The following SBNO2 variants were observed in gnomAD, a reference collection of about 807,000 sequenced individuals.
The protein encoded by SBNO2 is protein strawberry notch homolog 2.
In SBNO2, 89 loss-of-function variants were observed where a neutral mutation model predicts 146.3. The observed-to-expected ratio is 0.61, with a 90% CI of 0.51 to 0.73. The LOEUF (loss-of-function observed/expected upper bound fraction) is 0.73, where lower values mean the gene tolerates loss of function less well. SBNO2 is among the 30% of genes least tolerant of loss of function. SBNO2 has a pLI of 0.00. For missense variants in SBNO2, 2,092 were observed against 2,003.7 expected, an observed-to-expected ratio of 1.04 and a Z score of -0.84; for synonymous variants, 1,147 against 892.6, an observed-to-expected ratio of 1.29 and a Z score of -5.08.
chr19:1,150,749 C>T lies in SBNO2; in HGVS notation c.94-1307G>A, dbSNP rs979494251. On this transcript the variant is annotated intron_variant, in intron 2 of 31. Coordinates refer to ENST00000361757, the MANE Select transcript of SBNO2 (RefSeq NM_014963.3). The surrounding 1 kb of genome is among the most constrained non-coding windows in gnomAD (Gnocchi z 6.2). The stretch of plus-strand genomic sequence containing the variant: ...GGCCCTGATGCAATTCCCTGGGGCT[C>T]GGCCACCTCTGCCCCTCATTCACCT... Among the ~76,000 whole-genome samples the T allele has an allele frequency of 6.6e-6, 1 of 152,032 alleles. No individual in the cohort carries two copies. Among genetic ancestry groups the T allele is most frequent in the Non-Finnish European group, 1.5e-5 (1 of 67,998 alleles).
chr19:1,163,101 G>A (rs376966260), intron 1 of SBNO2, among the ~76,000 whole-genome samples: 6 of 152,210 alleles, frequency 3.9e-5, no homozygotes, highest in African/African-American at 9.6e-5. Context: ...AGAGGGCACC[G>A]GGGTGACTAC....
rs796161842 is a variant in SBNO2, at chr19:1,144,320, G to T, written c.279+2989C>A. Among the ~76,000 whole-genome samples, 2 of 152,182 alleles carry T rather than the reference G, an allele frequency of 1.3e-5. No homozygotes were observed. Among genetic ancestry groups the T allele is most frequent in the African/African-American group, 4.8e-5 (2 of 41,454 alleles). ...CGGGGTCAGACTTCCTCCAAATGAA[G>T]TTCTGCTGCTTTAACAGGGAGATTT... On this transcript the variant is annotated intron_variant, in intron 4 of 31. Coordinates refer to ENST00000361757, the MANE Select transcript of SBNO2 (RefSeq NM_014963.3). This position sits in a 1 kb window ranked among gnomAD's most constrained non-coding sequence, Gnocchi z 4.1.
chr19:1,149,401 C>T lies in SBNO2; in HGVS notation c.135G>A (p.Leu45=), dbSNP rs779899293. 1.9e-5 allele frequency: 29 copies of T among 1,552,258 alleles called. No individual in the cohort carries two copies. Among genetic ancestry groups the T allele is most frequent in the African/African-American group, 2.7e-5 (2 of 73,158 alleles). Residue 45 remains leucine (L), a synonymous_variant, in exon 3 of 32, where the codon CTG becomes CTA. Coordinates refer to ENST00000361757, the MANE Select transcript of SBNO2 (RefSeq NM_014963.3). ...CGCTGGAGAAGGCAGGGTATGGCGG[C>T]AGCGAGAAGGTGTTCCAGTAGGGGC... ...LHCPYWNTFS[L]PPYPAFSSDS...
At position 1,158,631 on chromosome 19, in the gene SBNO2, G is replaced by C. The variant is rs2080314619; in HGVS notation, c.-126-4229C>G. Among the ~76,000 whole-genome samples the C allele has an allele frequency of 6.6e-6, 1 of 152,186 alleles. No homozygotes were observed. Among genetic ancestry groups the C allele is most frequent in the South Asian group, 2.1e-4 (1 of 4,838 alleles). On this transcript the variant is annotated intron_variant, in intron 1 of 31. Coordinates refer to ENST00000361757, the MANE Select transcript of SBNO2 (RefSeq NM_014963.3). This position sits in a 1 kb window ranked among gnomAD's most constrained non-coding sequence, Gnocchi z 9.9. ...TGGAGGTCTGAGGAGGAGGCGGCGA[G>C]GCCCGGGCGAGCGGGCGCGACCGTG... is the stretch of plus-strand genomic sequence containing the variant.
chr19:1,147,431 A>ACGGGGGGGGGGGGGGG lies in SBNO2; in HGVS notation c.168-12_168-11insCCCCCCCCCCCCCCCG, dbSNP rs778909029. 2 of 544,754 alleles carry ACGGGGGGGGGGGGGGG rather than the reference A, an allele frequency of 3.7e-6. No individual in the cohort carries two copies. The highest frequency in any genetic ancestry group is 5.6e-5 in the African/African-American group (2 of 35,574). 33.7% of individuals were successfully genotyped at this position (544,754 alleles called of 1,614,324 possible). Reference sequence around the variant, plus strand: ...GAGCTCATGAACGGGCTGGAGGGAGATGGGGGGGGGGGAGGTGAGATGGGG... The same window carrying ACGGGGGGGGGGGGGGG: ...GAGCTCATGAACGGGCTGGAGGGAGACGGGGGGGGGGGGGGGTGGGGGGGGGGGAGGTGAGATGGGG... On this transcript the variant is annotated splice_polypyrimidine_tract_variant and intron_variant, in intron 3 of 31. Transcript: ENST00000361757.
intron 4 of SBNO2, among the ~76,000 whole-genome samples, chr19:1,143,394 C>T (rs888260095): frequency 6.6e-6 from 1 of 152,162 alleles, no homozygotes; most frequent in African/African-American, 2.4e-5. Flanking sequence ...GGAGCTTGAG[C>T]CCAGGAGGTG....
rs1447130158 is a variant in SBNO2 at position 1,114,299 on chromosome 19, G to T, written c.2009C>A (p.Ser670Tyr). The change falls in exon 18 of 32, where the codon TCC becomes TAC. Residue 670 changes from serine (S) to tyrosine (Y), a missense_variant. Transcript: ENST00000361757. ...DPGLDSDFNS[S>Y]PESLVDDDVV... The stretch of plus-strand genomic sequence containing the variant: ...GTCGTCATCCACCAGGGACTCGGGG[G>T]AGGAGTTGAAGTCGCTGTCCAGGCC... The T allele has an allele frequency of 6.4e-7, 1 of 1,554,792 alleles. No individual in the cohort carries two copies. The highest frequency in any genetic ancestry group is 1.9e-5 in the Admixed American group (1 of 51,968).
chr19:1,152,215 C>T (rs1044207341), intron 2 of SBNO2, among the ~76,000 whole-genome samples: 6 of 152,196 alleles, frequency 3.9e-5, no homozygotes, highest in Admixed American at 6.6e-5. Context: ...TCGCATTCCC[C>T]GACTGTCACT....
In SBNO2 at chr19:1,117,414, G is replaced by C; in HGVS notation, c.1613C>G (p.Ser538Trp). Residue 538 changes from serine to tryptophan, a missense_variant, in exon 15 of 32, where the codon TCG (serine) becomes TGG (tryptophan). Coordinates refer to ENST00000361757, the MANE Select transcript of SBNO2 (RefSeq NM_014963.3). ...SRKSLWGQFW[S>W]AHQRFFKYLC... is the part of the protein sequence containing the mutation. ...ATACTTGAAGAAGCGCTGGTGTGCC[G>C]ACCAGAACTGGCCCCACAGGGACTT... is the stretch of plus-strand genomic sequence containing the variant. 1.3e-6 allele frequency: 2 copies of C among 1,590,136 alleles called. No homozygotes were observed. The highest frequency in any genetic ancestry group is 1.7e-6 in the Non-Finnish European group (2 of 1,169,786).
At chr19:1,139,170 C>T (rs2080112525) in intron 4 of SBNO2, among the ~76,000 whole-genome samples, 1 of 152,244 alleles carries the variant, frequency 6.6e-6, no homozygotes, top group Non-Finnish European at 1.5e-5. Context: ...AATCAGGAGC[C>T]AGGCTCTGAC....
rs370834213 is a variant in SBNO2, at chr19:1,119,122, G to A, written c.1416C>T (p.Val472=). 94 of 1,604,416 alleles carry A rather than the reference G, an allele frequency of 5.9e-5. No homozygotes were observed. Among genetic ancestry groups the A allele is most frequent in the Middle Eastern group, 1.6e-4 (1 of 6,080 alleles). ...GCTGGCGTGCGATGTACATGCCGCT[G>A]ACCTTCATGTCCATGGCCACGATCT... The part of the protein sequence containing the change: ...AMEIVAMDMK[V]SGMYIARQLS... The change falls in exon 14 of 32, where the codon GTC becomes GTT. Residue 472 remains valine (V), a synonymous_variant. Transcript: ENST00000361757.
intron 14 of SBNO2, among the ~76,000 whole-genome samples, chr19:1,118,597 C>T (rs568573095): frequency 2.0e-5 from 3 of 151,384 alleles, no homozygotes; most frequent in Admixed American, 1.3e-4. Flanking sequence ...TGGCCGGGCA[C>T]GTGGCTCACG....
chr19:1,127,642 T>C lies in SBNO2; in HGVS notation c.403A>G (p.Ile135Val), dbSNP rs754443386. The C allele has an allele frequency of 3.1e-6, 5 of 1,613,270 alleles. No homozygotes were observed. The highest frequency in any genetic ancestry group is 1.3e-5 in the African/African-American group (1 of 74,906). ...GAGGGGGCAGGGTTATCGTCCCAGA[T>C]GGTGGACACCTGGTTGAGGCTGTCA... ...PADSLNQVST[I>V]WDDNPAPSTH... The change falls in exon 5 of 32, where the codon ATC becomes GTC. Residue 135 changes from isoleucine (I) to valine (V), a missense_variant. Coordinates refer to ENST00000361757, the MANE Select transcript of SBNO2 (RefSeq NM_014963.3).
rs1051983966 is a variant in SBNO2 at position 1,158,690 on chromosome 19, C to G, written c.-126-4288G>C. On this transcript the variant is annotated intron_variant, in intron 1 of 31. Transcript: ENST00000361757. The surrounding 1 kb of genome is among the most constrained non-coding windows in gnomAD (Gnocchi z 9.9). Reference sequence around the variant, plus strand: ...GCCCGGCAGAGGCCACCGCACAGTCCCTGGAGGCCGCATTACCTCAGCCGA... The same window carrying G: ...GCCCGGCAGAGGCCACCGCACAGTCGCTGGAGGCCGCATTACCTCAGCCGA... Among the ~76,000 whole-genome samples, 2 of 152,176 alleles carry G rather than the reference C, an allele frequency of 1.3e-5. No homozygotes were observed. The highest frequency in any genetic ancestry group is 2.9e-5 in the Non-Finnish European group (2 of 68,008).
chr19:1,109,632 G>A lies in SBNO2; in HGVS notation c.3124-34C>T. ...GCACGGGGTGGGGGGGTGTGAGTGT[G>A]GTGGGGGCGGGGTGGGCAGAGTGTG... On this transcript the variant is annotated intron_variant, in intron 27 of 31. Coordinates refer to ENST00000361757, the MANE Select transcript of SBNO2 (RefSeq NM_014963.3). This position sits in a 1 kb window ranked among gnomAD's most constrained non-coding sequence, Gnocchi z 4.2. 6.4e-7 allele frequency: 1 copy of A among 1,566,346 alleles called. No individual in the cohort carries two copies. The highest frequency in any genetic ancestry group is 8.7e-7 in the Non-Finnish European group (1 of 1,153,188).
intron 2 of SBNO2, among the ~76,000 whole-genome samples, chr19:1,149,738 C>G (rs2080225462): frequency 6.6e-6 from 1 of 152,244 alleles, no homozygotes; most frequent in Non-Finnish European, 1.5e-5. Flanking sequence ...AGGCCCGCAG[C>G]CCGGGAGTCT....
chr19:1,146,586 C>T (rs2080191997), intron 4 of SBNO2, among the ~76,000 whole-genome samples: 1 of 151,938 alleles, frequency 6.6e-6, no homozygotes, highest in South Asian at 2.1e-4. Context: ...CCAGCAGCAG[C>T]CCCTGGCCCC....
In SBNO2 at chr19:1,108,054, G is replaced by A; in HGVS notation, c.*166C>T. On this transcript the variant is annotated 3_prime_UTR_variant, in exon 32 of 32. Coordinates refer to ENST00000361757, the MANE Select transcript of SBNO2 (RefSeq NM_014963.3). ...CCCCCAGCTGTCCTGAGTGGGCCCC[G>A]CCAGGGCTGACCAGGTGGGGGCCCG... 2.8e-6 allele frequency: 2 copies of A among 706,256 alleles called. No individual in the cohort carries two copies. Among genetic ancestry groups the A allele is most frequent in the Non-Finnish European group, 4.1e-6 (2 of 484,716 alleles). The allele number at this position is 706,256 out of a possible 1,614,324, so 43.7% of individuals were successfully genotyped here. A position where few individuals can be genotyped will look rare whatever the true frequency, so the allele number is the denominator to read the frequency against.
In SBNO2 at chr19:1,113,618, C is replaced by G; in HGVS notation, c.2164G>C (p.Val722Leu). ...ERLKQDLLDK[V>L]RRLGRELPVN... ...GGCAGTTCCCGGCCCAGCCGCCGCACTTTGTCCAGCAGATCCTGCTTCAGC... is the reference window on the plus strand; with the variant it reads ...GGCAGTTCCCGGCCCAGCCGCCGCAGTTTGTCCAGCAGATCCTGCTTCAGC... Residue 722 changes from valine to leucine, a missense_variant, in exon 19 of 32, where the codon GTG (valine) becomes CTG (leucine). Coordinates refer to ENST00000361757, the MANE Select transcript of SBNO2 (RefSeq NM_014963.3). The G allele has an allele frequency of 6.3e-7, 1 of 1,599,070 alleles. No individual in the cohort carries two copies. Among genetic ancestry groups the G allele is most frequent in the Non-Finnish European group, 8.5e-7 (1 of 1,174,548 alleles).
Sources: gnomAD v4.1 joint callset for allele counts (sites outside exome capture counted in the v4.1 genomes callset) on GRCh38, gnomAD v4.1.1 for gene constraint, Gnocchi (gnomAD v3.1) non-coding constraint, MANE v1.5 for transcripts, NCBI Gene and HGNC (gene_info 2026-07-23, HGNC 2026-07-21) for gene names.